The following PLCB1 variants were observed in gnomAD, a reference collection of about 807,000 sequenced individuals.
PLCB1 encodes the protein 1-phosphatidylinositol 4,5-bisphosphate phosphodiesterase beta-1.
Under a neutral mutation model 161.8 loss-of-function variants are expected in PLCB1, and 46 were observed. That is an observed-to-expected ratio of 0.28 (90% CI 0.22 to 0.36). PLCB1 has a LOEUF of 0.36. Among genes scored for constraint, PLCB1 ranks in the 10% least tolerant of loss-of-function variants. The pLI, the probability that PLCB1 is intolerant of heterozygous loss-of-function variation, is 1.00. For missense variants in PLCB1, 1,016 were observed against 1,472.5 expected (o/e 0.69, Z 5.07); for synonymous variants, 517 against 503.7 (o/e 1.03, Z -0.35).
At chr20:8,174,331 T>A (rs1161514081) in intron 2 of PLCB1, among the ~76,000 whole-genome samples, 1 of 152,334 alleles carries the variant, frequency 6.6e-6, no homozygotes, top group East Asian at 1.9e-4. Flanking sequence ...AGGCAGTGCA[T>A]CTTTCAATGG....
At chr20:8,640,299 G>C (rs77084692) in intron 4 of PLCB1, among the ~76,000 whole-genome samples, 1 of 152,200 alleles carries the variant, frequency 6.6e-6, no homozygotes, top group African/African-American at 2.4e-5. Context: ...TAATGCCCAA[G>C]AATTGCGATT....
At chr20:8,418,959 T>A (rs1463872743) in intron 3 of PLCB1, among the ~76,000 whole-genome samples, 1 of 152,196 alleles carries the variant, frequency 6.6e-6, no homozygotes, top group African/African-American at 2.4e-5. Flanking sequence ...GAACCATTTT[T>A]AAAACTCAGT....
intron 9 of PLCB1, among the ~76,000 whole-genome samples, chr20:8,679,527 A>G (rs1040052293): frequency 3.3e-5 from 5 of 152,164 alleles, no homozygotes; most frequent in African/African-American, 1.2e-4. Flanking sequence ...GTGTCACTGG[A>G]TACACTTCAG....
At chr20:8,758,860 A>G (rs1981873741) in intron 24 of PLCB1, among the ~76,000 whole-genome samples, 1 of 152,188 alleles carries the variant, frequency 6.6e-6, no homozygotes, top group African/African-American at 2.4e-5. Context: ...ACATTGCAAA[A>G]ATAACCTCTT....
At chr20:8,864,593 C>T (rs1485640598) in intron 31 of PLCB1, among the ~76,000 whole-genome samples, 2 of 151,992 alleles carry the variant, frequency 1.3e-5, no homozygotes, top group Non-Finnish European at 2.9e-5. Context: ...CCACAAAAAG[C>T]GAGTAGATGT....
chr20:8,556,748 C>T (rs889382665), intron 3 of PLCB1, among the ~76,000 whole-genome samples: 5 of 150,940 alleles, frequency 3.3e-5, no homozygotes, highest in Admixed American at 2.7e-4. Context: ...TAGCTAACCA[C>T]AAGCTAACAA....
At chr20:8,787,635 A>G (rs1416735812) in intron 27 of PLCB1, among the ~76,000 whole-genome samples, 2 of 152,248 alleles carry the variant, frequency 1.3e-5, no homozygotes, top group African/African-American at 4.8e-5. Flanking sequence ...CTCATGAGGA[A>G]AAAAGGAAAA....
chr20:8,654,754 C>T (rs1989408656), intron 7 of PLCB1, among the ~76,000 whole-genome samples: 1 of 151,938 alleles, frequency 6.6e-6, no homozygotes, highest in Non-Finnish European at 1.5e-5. Flanking sequence ...AAAAATGAAT[C>T]CGTGCCATTC....
intron 2 of PLCB1, among the ~76,000 whole-genome samples, chr20:8,254,964 C>T (rs1266684259): frequency 6.6e-6 from 1 of 152,006 alleles, no homozygotes; most frequent in Non-Finnish European, 1.5e-5. Context: ...CTGAAAAGCA[C>T]CAGGCACTTG....
intron 3 of PLCB1, among the ~76,000 whole-genome samples, chr20:8,476,714 T>A (rs1600095825): frequency 6.6e-6 from 1 of 152,292 alleles, no homozygotes; most frequent in South Asian, 2.1e-4. Flanking sequence ...TCTTAAAAGA[T>A]CTTAGAGAAG....
rs41275590 is a variant in PLCB1, at chr20:8,881,946, A to G, written c.*97A>G. 0.023 allele frequency: 18,187 copies of G among 801,416 alleles called. 337 individuals are homozygous for G. The highest frequency in any genetic ancestry group is 0.061 in the South Asian group (3,665 of 59,642). 49.6% of individuals were successfully genotyped at this position (801,416 alleles called of 1,614,324 possible). A position where few individuals can be genotyped will look rare whatever the true frequency, so the allele number is the denominator to read the frequency against. The stretch of plus-strand genomic sequence containing the variant: ...CACTGCCCAGGACCATCTTCCCGAG[A>G]AGCATCCCTTAGCCTAAAATCCACA... On this transcript the variant is annotated 3_prime_UTR_variant, in exon 32 of 32. Transcript: ENST00000338037.
At chr20:8,248,029 C>A (rs1202316084) in intron 2 of PLCB1, among the ~76,000 whole-genome samples, 1 of 151,840 alleles carries the variant, frequency 6.6e-6, no homozygotes, top group Non-Finnish European at 1.5e-5. Context: ...ATTGTGTTCC[C>A]CAGAAACAGA....
At chr20:8,651,748 T>C (rs368591587) in intron 7 of PLCB1, 28 of 429,778 alleles carry the variant, frequency 6.5e-5, no homozygotes, top group East Asian at 3.2e-4. Flanking sequence ...GGAAGTGCTA[T>C]AAAAAGAAAG....
chr20:8,754,515 G>T (rs1424009452), intron 23 of PLCB1, among the ~76,000 whole-genome samples: 3 of 152,048 alleles, frequency 2.0e-5, no homozygotes, highest in Admixed American at 2.0e-4. Context: ...ATTTTAGTGA[G>T]CTGTCACATT....
chr20:8,227,451 A>C (rs1414997690), intron 2 of PLCB1, among the ~76,000 whole-genome samples: 13 of 152,134 alleles, frequency 8.5e-5, no homozygotes, highest in Admixed American at 8.5e-4. Flanking sequence ...CCACCCAAAC[A>C]CATAGCATAC....
intron 2 of PLCB1, among the ~76,000 whole-genome samples, chr20:8,267,729 G>GC (rs1982044573): frequency 6.6e-6 from 1 of 152,124 alleles, no homozygotes; most frequent in South Asian, 2.1e-4. Context: ...TGGCTCAGGA[G>GC]CCCAGATTAC....
At chr20:8,512,814 A>C (rs1039093075) in intron 3 of PLCB1, among the ~76,000 whole-genome samples, 2 of 152,076 alleles carry the variant, frequency 1.3e-5, no homozygotes, top group African/African-American at 4.8e-5. Flanking sequence ...AACATTTCAA[A>C]TTCATTCTCT....
At chr20:8,506,246 A>G (rs576954245) in intron 3 of PLCB1, among the ~76,000 whole-genome samples, 166 of 152,358 alleles carry the variant, frequency 1.1e-3, no homozygotes, top group African/African-American at 3.9e-3. Context: ...TAATTCCAGC[A>G]TAGAATTCTA....
At chr20:8,634,893 C>G (rs892179047) in intron 4 of PLCB1, among the ~76,000 whole-genome samples, 17 of 152,306 alleles carry the variant, frequency 1.1e-4, no homozygotes, top group African/African-American at 4.1e-4. Flanking sequence ...TGTGATTCTT[C>G]TACCTTTACA....
Sources: allele counts gnomAD v4.1 joint callset (sites outside exome capture counted in the v4.1 genomes callset), GRCh38; gene constraint gnomAD v4.1.1; transcripts MANE v1.5; gene names NCBI Gene and HGNC (gene_info 2026-07-23, HGNC 2026-07-21).